Variants in CLASP2 observed in about 807,000 individuals in gnomAD.
CLASP2 encodes CLIP-associating protein 2.
A neutral mutation model predicts 194.4 loss-of-function variants in CLASP2; 47 were observed. The ratio of observed to expected loss-of-function variants is 0.24; its 90% CI spans 0.19 to 0.31. The LOEUF (loss-of-function observed/expected upper bound fraction) is 0.31. CLASP2 is among the 10% of genes least tolerant of loss of function. The pLI, the probability that CLASP2 is intolerant of heterozygous loss-of-function variation, is 1.00. For missense variants in CLASP2, 1,445 were observed against 1,823.6 expected (o/e 0.79, Z 3.78); for synonymous variants, 619 against 633.5 (o/e 0.98, Z 0.34).
At chr3:33,520,489 T>C (rs1326943496) in intron 34 of CLASP2, among the ~76,000 whole-genome samples, 1 of 152,164 alleles carries the variant, frequency 6.6e-6, no homozygotes. Flanking sequence ...AGGAAGGCTG[T>C]CCACATAGAG....
intron 28 of CLASP2, among the ~76,000 whole-genome samples, 195 bp downstream of exon 28, chr3:33,560,613 A>C (rs2061661281): frequency 6.6e-6 from 1 of 152,188 alleles, no homozygotes; most frequent in Admixed American, 6.5e-5. Context: ...TTTTATAAAA[A>C]AAAATGCAGG....
intron 23 of CLASP2, among the ~76,000 whole-genome samples, chr3:33,576,595 A>G (rs1371007052): frequency 6.6e-6 from 1 of 152,192 alleles, no homozygotes; most frequent in African/African-American, 2.4e-5. Context: ...GTTCAGGCAA[A>G]TATCATCCAT....
Position 33,560,962 on chromosome 3 carries a change from T to C in CLASP2, c.2776A>G (p.Met926Val), listed in dbSNP as rs774761519. The C allele has an allele frequency of 3.1e-6, 5 of 1,613,330 alleles. No homozygotes were observed. The East Asian group carries it at 1.1e-4, about 36-fold the overall frequency. Residue 926 changes from methionine (M) to valine (V), a missense_variant, in exon 28 of 39, where the codon ATG becomes GTG. Around this residue, in one of 4 missense-constraint regions of CLASP2, gnomAD observed 732 missense variants for 987.9 expected, o/e 0.74. Transcript: ENST00000682230. ...AAATCCACTAGAGTCTCCAAAAACA[T>C]GCTGAATACCTACAGTTGATAAAGG... ...ADPHGKRVFS[M>V]FLETLVDFIQ...
At chr3:33,570,563 G>T in intron 26 of CLASP2, 164 bp downstream of exon 26, 2 of 824,792 alleles carry the variant, frequency 2.4e-6, no homozygotes, top group East Asian at 2.8e-5. Flanking sequence ...AGTTACCAGA[G>T]ATTAATTTCT....
chr3:33,619,317 C>T (rs1035634423), intron 12 of CLASP2, among the ~76,000 whole-genome samples: 13 of 152,058 alleles, frequency 8.5e-5, no homozygotes, highest in Admixed American at 2.6e-4. Context: ...TATACACACA[C>T]GTAACTGTAG....
chr3:33,638,112 T>C (rs1030105454), intron 8 of CLASP2, among the ~76,000 whole-genome samples: 5 of 152,112 alleles, frequency 3.3e-5, no homozygotes, highest in Non-Finnish European at 5.9e-5. Context: ...ATGTTTAATA[T>C]GGGAAAAATA....
Position 33,611,984 on chromosome 3 carries a change from C to CA in CLASP2, c.1388+16dup. The stretch of plus-strand genomic sequence containing the variant: ...AGAGCTATACTAACAACAACAACAA[C>CA]AAAAAATTAAACTTACCTCCTCACG... On this transcript the variant is annotated intron_variant, in intron 13 of 38. Coordinates refer to ENST00000682230, the MANE Select transcript of CLASP2 (RefSeq NM_001365631.1). 1.3e-6 allele frequency: 2 copies of CA among 1,571,816 alleles called. No individual in the cohort carries two copies. The highest frequency in any genetic ancestry group is 1.7e-6 in the Non-Finnish European group (2 of 1,146,472).
At chr3:33,525,562 C>A (rs933455147) in intron 34 of CLASP2, among the ~76,000 whole-genome samples, 5 of 152,126 alleles carry the variant, frequency 3.3e-5, no homozygotes, top group African/African-American at 1.2e-4. Context: ...TATGTGACTC[C>A]AGGGACCATG....
chr3:33,708,565 T>TAC lies in CLASP2; in HGVS notation c.195+9241_195+9242dup, dbSNP rs1195075964. On this transcript the variant is annotated intron_variant, in intron 1 of 38. Transcript: ENST00000682230. ...ATATGTATATATATATATATATACA[T>TAC]ACACACACACACACACCCCCCACAT... 7.7e-3 allele frequency among the ~76,000 whole-genome samples: 1,090 copies of TAC among 141,396 alleles called. 37 individuals are homozygous for TAC. The East Asian group carries it at 0.11, about 15-fold the overall frequency. The allele number at this position is 141,396 out of a possible 152,430, so 92.8% of individuals were successfully genotyped here.
At chr3:33,607,296 C>T (rs1276297646) in intron 15 of CLASP2, 88 bp downstream of exon 15, 3 of 875,464 alleles carry the variant, frequency 3.4e-6, no homozygotes, top group Non-Finnish European at 5.0e-6. Context: ...AAGTAAAATA[C>T]TTGGACACTT....
intron 7 of CLASP2, among the ~76,000 whole-genome samples, chr3:33,652,658 A>T (rs761515252): frequency 2.0e-5 from 3 of 152,208 alleles, no homozygotes; most frequent in Non-Finnish European, 4.4e-5. Flanking sequence ...TCTCTAGCCT[A>T]GACCATCTCT....
At chr3:33,539,046 G>A (rs2057876863) in intron 32 of CLASP2, 104 bp from the exon 33 acceptor site, 10 of 801,836 alleles carry the variant, frequency 1.2e-5, no homozygotes, top group Non-Finnish European at 1.8e-5. Context: ...ATTAGAGAAT[G>A]TATATTCTCA....
intron 7 of CLASP2, chr3:33,645,472 C>G (rs535377443): frequency 3.1e-6 from 2 of 635,696 alleles, no homozygotes; most frequent in Non-Finnish European, 5.6e-6. Context: ...TTTTCTTTCT[C>G]TTCCCTGCCC....
intron 27 of CLASP2, among the ~76,000 whole-genome samples, chr3:33,565,895 T>C (rs2062649289): frequency 6.6e-6 from 1 of 151,968 alleles, no homozygotes. Context: ...GTAAGGTTTC[T>C]GGTCAACACT....
chr3:33,644,662 T>C, intron 8 of CLASP2, 95 bp downstream of exon 8: 1 of 1,343,352 alleles, frequency 7.4e-7, no homozygotes. Context: ...CGTGCTGCAG[T>C]CATGAATAAA....
intron 1 of CLASP2, among the ~76,000 whole-genome samples, chr3:33,713,320 A>G (rs2093127675): frequency 6.6e-6 from 1 of 152,218 alleles, no homozygotes; most frequent in African/African-American, 2.4e-5. Context: ...ACTGACTCTG[A>G]CAGGATTGAG....
At chr3:33,555,587 C>T (rs1156710557) in intron 29 of CLASP2, among the ~76,000 whole-genome samples, 1 of 152,022 alleles carries the variant, frequency 6.6e-6, no homozygotes, top group Non-Finnish European at 1.5e-5. Flanking sequence ...AGGCTAGTCT[C>T]GAACTGCTGG....
rs745358591 is a variant in CLASP2 at position 33,517,094 on chromosome 3, T to C, written c.3868A>G (p.Lys1290Glu). Residue 1290 changes from lysine to glutamate, a missense_variant, in exon 35 of 39, where the codon AAA becomes GAA. By Grantham distance (56) the Lys-to-Glu change is moderately conservative. Transcript: ENST00000682230. Reference sequence around the variant, plus strand: ...TTCATAAGTTCATAGAGGGCAATTTTTCTTTCTTCTACACGCTCATTATGG... The same window carrying C: ...TTCATAAGTTCATAGAGGGCAATTTCTCTTTCTTCTACACGCTCATTATGG... Reference protein sequence around the residue: ...SNHNERVEERKIALYELMKLT... With the variant: ...SNHNERVEEREIALYELMKLT... 1.2e-6 allele frequency: 2 copies of C among 1,613,604 alleles called. No individual in the cohort carries two copies. Among genetic ancestry groups the C allele is most frequent in the African/African-American group, 2.7e-5 (2 of 74,930 alleles).
intron 24 of CLASP2, chr3:33,574,432 T>A (rs2064407844): frequency 1.5e-6 from 2 of 1,326,880 alleles, no homozygotes; most frequent in Non-Finnish European, 2.0e-6. Context: ...GAAAAAAAAG[T>A]TATGGTATCA....
Sources: gnomAD v4.1 joint callset for allele counts (sites outside exome capture counted in the v4.1 genomes callset) on GRCh38, gnomAD v4.1.1 for gene constraint, gnomAD v4.1.1 regional missense constraint, MANE v1.5 for transcripts, NCBI Gene and HGNC (gene_info 2026-07-23, HGNC 2026-07-21) for gene names.